Variants in ZNF652 observed in about 807,000 individuals in gnomAD.
ZNF652 encodes zinc finger protein 652.
Under a neutral mutation model 45.2 loss-of-function variants are expected in ZNF652, and 16 were observed. The ratio of observed to expected loss-of-function variants is 0.35; its 90% CI spans 0.24 to 0.54. ZNF652 has a LOEUF of 0.54. ZNF652 is among the 20% of genes least tolerant of loss of function. The pLI is 0.91. For synonymous variants in ZNF652, 250 were observed against 260.6 expected, an observed-to-expected ratio of 0.96 and a Z score of 0.39; for missense variants, 614 against 765.6, an observed-to-expected ratio of 0.80 and a Z score of 2.34.
At chr17:49,354,682 T>C (rs781215391) in intron 1 of ZNF652, among the ~76,000 whole-genome samples, 1 of 152,170 alleles carries the variant, frequency 6.6e-6, no homozygotes, top group African/African-American at 2.4e-5. Context: ...AATCTTCATA[T>C]ATAAAACACC....
rs1286365070 is a variant in ZNF652 at position 49,316,856 on chromosome 17, G to A, written c.870C>T (p.His290=). Residue 290 remains histidine (H), a synonymous_variant, in exon 2 of 6, where the codon CAC becomes CAT. Coordinates refer to ENST00000430262, the MANE Select transcript of ZNF652 (RefSeq NM_001145365.3). The part of the protein sequence containing the change: ...KFVLESELSL[H]QQTDCEKNIQ... ...TGTTTTTTTCACAGTCTGTTTGCTG[G>A]TGAAGGGACAGCTCACTTTCCAGGA... is the stretch of plus-strand genomic sequence containing the variant. 6.2e-7 allele frequency: 1 copy of A among 1,613,658 alleles called. No individual in the cohort carries two copies. The highest frequency in any genetic ancestry group is 1.3e-5 in the African/African-American group (1 of 74,876).
chr17:49,350,891 AC>A (rs1314414529), intron 1 of ZNF652, among the ~76,000 whole-genome samples: 12 of 149,084 alleles, frequency 8.0e-5, no homozygotes, highest in Non-Finnish European at 1.5e-4. Flanking sequence ...AATTGCTTGA[AC>A]CCGAGAGGCA....
chr17:49,327,779 ATTTTTTTTT>A (rs375857868), intron 1 of ZNF652, among the ~76,000 whole-genome samples: 70 of 4,058 alleles, frequency 0.017, no homozygotes, highest in African/African-American at 0.042. Flanking sequence ...ATATATATAT[ATTTTTTTTT>A]TTTTTTTTTA....
chr17:49,353,478 TA>T (rs946076761), intron 1 of ZNF652, among the ~76,000 whole-genome samples: 2 of 152,144 alleles, frequency 1.3e-5, no homozygotes, highest in African/African-American at 4.8e-5. Flanking sequence ...ACAAATTCTT[TA>T]AAATTTTTTT....
At chr17:49,313,994 A>AAAAAAAAAAAAAAAAAAAAAAAAAAAAAG (rs2069759611) in intron 2 of ZNF652, among the ~76,000 whole-genome samples, 1 of 140,036 alleles carries the variant, frequency 7.1e-6, no homozygotes, top group Non-Finnish European at 1.6e-5. Flanking sequence ...AAAAAAAAAA[A>AAAAAAAAAAAAAAAAAAAAAAAAAAAAAG]AAAAAAAAAA....
intron 2 of ZNF652, among the ~76,000 whole-genome samples, chr17:49,313,419 A>T (rs1011018402): frequency 6.6e-6 from 1 of 152,126 alleles, no homozygotes; most frequent in Non-Finnish European, 1.5e-5. Flanking sequence ...AGCCTCCCAA[A>T]GTACTGCGAT....
At chr17:49,312,623 G>A in intron 3 of ZNF652, 75 bp downstream of exon 3, 1 of 1,517,124 alleles carries the variant, frequency 6.6e-7, no homozygotes, top group East Asian at 2.3e-5. Context: ...CTCATATCCT[G>A]CCCAATCCAG....
In ZNF652 at chr17:49,317,924, A is replaced by C; in HGVS notation, c.-199T>G. 1 of 532,460 alleles carries C rather than the reference A, an allele frequency of 1.9e-6. No homozygotes were observed. The highest frequency in any genetic ancestry group is 3.1e-6 in the Non-Finnish European group (1 of 319,312). The allele number at this position is 532,460 out of a possible 1,614,324, so 33.0% of individuals were successfully genotyped here. A position where few individuals can be genotyped will look rare whatever the true frequency, so the allele number is the denominator to read the frequency against. ...CAAAAAGGTTTGGTATTATGGCAAG[A>C]GCAGAGCACTAGTGATTTTTCTTCT... On this transcript the variant is annotated 5_prime_UTR_variant, in exon 2 of 6. Transcript: ENST00000430262.
chr17:49,347,463 G>A (rs1429351082), intron 1 of ZNF652, among the ~76,000 whole-genome samples: 1 of 152,102 alleles, frequency 6.6e-6, no homozygotes, highest in Non-Finnish European at 1.5e-5. Flanking sequence ...TACTCTGGAA[G>A]CTGAGGTGGG....
intron 1 of ZNF652, among the ~76,000 whole-genome samples, chr17:49,329,608 AT>A (rs1421937313): frequency 1.3e-5 from 2 of 152,228 alleles, no homozygotes; most frequent in Non-Finnish European, 2.9e-5. Context: ...ATGTCAAACA[AT>A]TTTTAAGCAG....
intron 1 of ZNF652, among the ~76,000 whole-genome samples, chr17:49,346,049 C>A (rs533110630): frequency 3.3e-5 from 5 of 152,260 alleles, no homozygotes; most frequent in Admixed American, 1.3e-4. Flanking sequence ...AGTGCCGCAG[C>A]CACAACTACA....
At chr17:49,306,101 A>G (rs569877817) in intron 5 of ZNF652, among the ~76,000 whole-genome samples, 15 of 152,334 alleles carry the variant, frequency 9.8e-5, no homozygotes, top group African/African-American at 3.6e-4. Flanking sequence ...AGGTTACACA[A>G]TTCTGCTAGT....
intron 1 of ZNF652, among the ~76,000 whole-genome samples, chr17:49,351,582 CAT>C (rs909735044): frequency 1.3e-5 from 2 of 151,364 alleles, no homozygotes; most frequent in African/African-American, 2.4e-5. Flanking sequence ...CACGGACATA[CAT>C]ATATATATAT....
chr17:49,337,910 G>C (rs1307831570), intron 1 of ZNF652, among the ~76,000 whole-genome samples: 2 of 152,072 alleles, frequency 1.3e-5, no homozygotes, highest in Non-Finnish European at 2.9e-5. Context: ...TCATTGCATT[G>C]ACCCTCACCT....
chr17:49,305,720 C>A (rs192086770), intron 5 of ZNF652, among the ~76,000 whole-genome samples: 2 of 152,258 alleles, frequency 1.3e-5, no homozygotes, highest in East Asian at 1.9e-4. Context: ...CTTAATTCAT[C>A]CTTGTGTCTC....
At position 49,333,962 on chromosome 17, in the gene ZNF652, T is replaced by G. The variant is rs139345584; in HGVS notation, c.-258-15979A>C. Reference sequence around the variant, plus strand: ...TAAAATGGTACACTGGAGAACAGTTTGGCAGTTCCTTAAAAAAAAAAATTA... The same window carrying G: ...TAAAATGGTACACTGGAGAACAGTTGGGCAGTTCCTTAAAAAAAAAAATTA... On this transcript the variant is annotated intron_variant, in intron 1 of 5. Coordinates refer to ENST00000430262, the MANE Select transcript of ZNF652 (RefSeq NM_001145365.3). Among the ~76,000 whole-genome samples, 361 of 152,116 alleles carry G rather than the reference T, an allele frequency of 2.4e-3. 1 individual carries two copies. The highest frequency in any genetic ancestry group is 0.011 in the East Asian group (59 of 5,172).
At position 49,317,029 on chromosome 17, in the gene ZNF652, G is replaced by C; in HGVS notation, c.697C>G (p.Pro233Ala). 6.2e-7 allele frequency: 1 copy of C among 1,614,110 alleles called. No individual in the cohort carries two copies. Residue 233 changes from proline to alanine, a missense_variant, in exon 2 of 6, where the codon CCA becomes GCA. Physicochemically the swap from Pro to Ala is conservative, Grantham distance 27. Around this residue, in one of 5 missense-constraint regions of ZNF652, gnomAD observed 262 missense variants for 306.3 expected, o/e 0.86. Transcript: ENST00000430262. ...TCTTCACACTTAGCTTTCTGGACTGGTGCTTTGGGCTCCTTTGTGGCCCGC... is the reference window on the plus strand; with the variant it reads ...TCTTCACACTTAGCTTTCTGGACTGCTGCTTTGGGCTCCTTTGTGGCCCGC... ...KKRATKEPKA[P>A]VQKAKCEEKE...
chr17:49,345,756 G>A lies in ZNF652; in HGVS notation c.-259+16153C>T, dbSNP rs559122955. On this transcript the variant is annotated intron_variant, in intron 1 of 5. Coordinates refer to ENST00000430262, the MANE Select transcript of ZNF652 (RefSeq NM_001145365.3). ...CTCAGGAGGCTGAGGCAGGAGAATG[G>A]CGTGAACCCAGAAGGCAGAGTTTGC... Among the ~76,000 whole-genome samples the A allele has an allele frequency of 3.5e-4, 53 of 151,166 alleles. 1 individual carries two copies. The highest frequency in any genetic ancestry group is 1.3e-3 in the Admixed American group (19 of 15,186).
chr17:49,355,618 G>C (rs1262527256), intron 1 of ZNF652, among the ~76,000 whole-genome samples: 2 of 151,988 alleles, frequency 1.3e-5, no homozygotes, highest in Admixed American at 6.6e-5. Context: ...AATTAGTAGT[G>C]ACCGGGCGCG....
Sources: gnomAD v4.1 joint callset for allele counts (sites outside exome capture counted in the v4.1 genomes callset) on GRCh38, gnomAD v4.1.1 for gene constraint, gnomAD v4.1.1 regional missense constraint, MANE v1.5 for transcripts, NCBI Gene and HGNC (gene_info 2026-07-23, HGNC 2026-07-21) for gene names.